KANK1: variants seen among roughly 807,000 people sequenced by gnomAD.
KANK1 encodes KN motif and ankyrin repeat domain-containing protein 1.
In KANK1, 109 loss-of-function variants were observed where a neutral mutation model predicts 106.2. The ratio of observed to expected loss-of-function variants is 1.03; its 90% CI spans 0.88 to 1.20. KANK1 has a LOEUF of 1.20. Among genes scored for constraint, KANK1 ranks in the 50% most tolerant of loss-of-function variants. KANK1 has a pLI of 0.00. For missense variants in KANK1, 2,399 were observed against 1,710.7 expected, an observed-to-expected ratio of 1.40 and a Z score of -7.10; for synonymous variants, 873 against 652.2, an observed-to-expected ratio of 1.34 and a Z score of -5.16.
At chr9:655,683 C>CAA (rs1267612303) in intron 1 of KANK1, among the ~76,000 whole-genome samples, 1 of 152,118 alleles carries the variant, frequency 6.6e-6, no homozygotes, top group Admixed American at 6.5e-5. Flanking sequence ...AAGTGCTTAT[C>CAA]AACACACAGT....
intron 1 of KANK1, among the ~76,000 whole-genome samples, chr9:506,121 C>T (rs568010108): frequency 2.6e-5 from 4 of 152,178 alleles, no homozygotes; most frequent in South Asian, 4.1e-4. Context: ...GATTCCATTT[C>T]GTTGCCCCCA....
chr9:609,945 G>T (rs1043679096), intron 1 of KANK1, among the ~76,000 whole-genome samples: 2 of 151,994 alleles, frequency 1.3e-5, no homozygotes, highest in African/African-American at 4.8e-5. Flanking sequence ...TATGTGGTTT[G>T]ATTTTTATTT....
At chr9:686,693 T>C (rs1043529455) in intron 2 of KANK1, 1 of 904,418 alleles carries the variant, frequency 1.1e-6, no homozygotes, top group Non-Finnish European at 1.3e-6. Flanking sequence ...TTTGGCAGTG[T>C]GAGGGGAAAT....
intron 6 of KANK1, 98 bp from the exon 7 acceptor site, chr9:734,650 A>G: frequency 2.5e-6 from 2 of 787,758 alleles, no homozygotes; most frequent in Non-Finnish European, 2.1e-6. Flanking sequence ...TGGGCGACAG[A>G]GCATGACCCT....
intron 3 of KANK1, 41 bp downstream of exon 3, chr9:713,505 G>T (rs1360259442): frequency 2.0e-6 from 3 of 1,510,900 alleles, no homozygotes; most frequent in Non-Finnish European, 1.8e-6. Context: ...GGAAGGATGG[G>T]GGAAAATGTC....
chr9:506,545 T>TGC (rs1554603428), intron 1 of KANK1, among the ~76,000 whole-genome samples: 1 of 151,900 alleles, frequency 6.6e-6, no homozygotes, highest in Non-Finnish European at 1.5e-5. Flanking sequence ...TGTGTGTGTG[T>TGC]GTGCGTGTGC....
intron 1 of KANK1, among the ~76,000 whole-genome samples, chr9:574,204 A>T (rs1819940474): frequency 6.6e-6 from 1 of 152,232 alleles, no homozygotes; most frequent in African/African-American, 2.4e-5. Flanking sequence ...GAAGCTCTGT[A>T]CCTGTAACAT....
chr9:713,473 T>C lies in KANK1; in HGVS notation c.2698+9T>C, dbSNP rs2130988930. The C allele has an allele frequency of 1.3e-6, 2 of 1,553,654 alleles. No homozygotes were observed. The highest frequency in any genetic ancestry group is 1.7e-6 in the Non-Finnish European group (2 of 1,152,946). On this transcript the variant is annotated intron_variant, in intron 3 of 11. Transcript: ENST00000382297. ...TCTGGGTAAAATCACAGGTAGGTGG[T>C]ACCCTGAGGACCTGGGAATGAGGAA...
chr9:599,878 T>C (rs927580286), intron 1 of KANK1, among the ~76,000 whole-genome samples: 1 of 151,824 alleles, frequency 6.6e-6, no homozygotes, highest in African/African-American at 2.4e-5. Context: ...TGTACTTTGT[T>C]TAAGGCTTTA....
chr9:608,012 AATT>A lies in KANK1; in HGVS notation c.-83-68856_-83-68854del, dbSNP rs1205173765. ...GAAGGAAAGACTAAAAAACTTTCAG[AATT>A]ATTATTATTATTATTATTATTTTTT... On this transcript the variant is annotated intron_variant, in intron 1 of 11. Coordinates refer to ENST00000382297, the MANE Select transcript of KANK1 (RefSeq NM_015158.5). Among the ~76,000 whole-genome samples the A allele has an allele frequency of 6.2e-4, 76 of 123,338 alleles. 3 individuals carry two copies. The highest frequency in any genetic ancestry group is 7.5e-4 in the African/African-American group (24 of 32,166). 80.9% of individuals were successfully genotyped at this position (123,338 alleles called of 152,430 possible). A position where few individuals can be genotyped will look rare whatever the true frequency, so the allele number is the denominator to read the frequency against.
intron 1 of KANK1, among the ~76,000 whole-genome samples, chr9:661,573 C>T (rs190494981): frequency 0.053 from 8,094 of 151,942 alleles, 234 homozygotes; most frequent in African/African-American, 0.066. Context: ...TGAATAGTGC[C>T]GCAATAAACA....
intron 1 of KANK1, among the ~76,000 whole-genome samples, chr9:605,790 G>C (rs1022264076): frequency 6.6e-6 from 1 of 151,730 alleles, no homozygotes. Flanking sequence ...CAGTGCTTTG[G>C]ATTATGGGGA....
chr9:561,125 C>T (rs1309602914), intron 1 of KANK1, among the ~76,000 whole-genome samples: 1 of 152,016 alleles, frequency 6.6e-6, no homozygotes, highest in Non-Finnish European at 1.5e-5. Context: ...CTATGCCCTA[C>T]CAGGAATAGT....
chr9:581,521 T>TC (rs34194378), intron 1 of KANK1, among the ~76,000 whole-genome samples: 124,561 of 152,130 alleles, frequency 0.82, 51,374 homozygotes, highest in African/African-American at 0.9. Context: ...TATGAACCAT[T>TC]CTTCATTAGT....
chr9:511,762 C>G (rs1333638485), intron 1 of KANK1, among the ~76,000 whole-genome samples: 3 of 152,120 alleles, frequency 2.0e-5, no homozygotes, highest in Non-Finnish European at 4.4e-5. Context: ...TTGTCTGGTC[C>G]CAACTCAGCT....
At chr9:488,684 G>T (rs1366746790) in intron 3 of KANK1, among the ~76,000 whole-genome samples, 1 of 152,202 alleles carries the variant, frequency 6.6e-6, no homozygotes, top group Non-Finnish European at 1.5e-5. Context: ...TGACTGTCTT[G>T]TAAGAGTCAA....
intron 1 of KANK1, among the ~76,000 whole-genome samples, chr9:575,053 AC>A (rs528205626): frequency 7.8e-4 from 119 of 152,214 alleles, no homozygotes; most frequent in Middle Eastern, 3.4e-3. Flanking sequence ...AAAAACAAAA[AC>A]AGAAAAAGAT....
intron 1 of KANK1, among the ~76,000 whole-genome samples, chr9:610,389 C>G (rs535502791): frequency 1.3e-5 from 2 of 152,118 alleles, no homozygotes; most frequent in Non-Finnish European, 2.9e-5. Context: ...AAAAGATAGT[C>G]CTGAAGAATT....
Position 610,104 on chromosome 9 carries a change from G to C in KANK1, c.-83-66786G>C, listed in dbSNP as rs555773770. ...AAATTTAGATCGTGTCTAATTCTTT[G>C]CTACTTTAAGTATCATTGCAGTGAA... On this transcript the variant is annotated intron_variant, in intron 1 of 11. Transcript: ENST00000382297. Among the ~76,000 whole-genome samples the C allele has an allele frequency of 3.6e-3, 545 of 152,100 alleles. 1 individual carries two copies. The highest frequency in any genetic ancestry group is 0.012 in the African/African-American group (500 of 41,480).
Sources: gnomAD v4.1 joint callset for allele counts (sites outside exome capture counted in the v4.1 genomes callset) on GRCh38, gnomAD v4.1.1 for gene constraint, MANE v1.5 for transcripts, NCBI Gene and HGNC (gene_info 2026-07-23, HGNC 2026-07-21) for gene names.